Variants in ZNF385D observed in about 807,000 individuals in gnomAD.
The protein encoded by ZNF385D is zinc finger protein 659.
Under a neutral mutation model 35.8 loss-of-function variants are expected in ZNF385D, and 15 were observed. The ratio of observed to expected loss-of-function variants is 0.42; its 90% confidence interval spans 0.28 to 0.64. The LOEUF (loss-of-function observed/expected upper bound fraction) is 0.64, where lower values mean the gene tolerates loss of function less well. Among genes scored for constraint, ZNF385D ranks in the 30% least tolerant of loss-of-function variants. The pLI is 0.23. For missense variants in ZNF385D, 474 were observed against 494.6 expected (o/e 0.96, Z 0.39); for synonymous variants, 212 against 186.8 (o/e 1.13, Z -1.10).
chr3:21,854,524 TAAC>T (rs1290308946), intron 3 of ZNF385D, among the ~76,000 whole-genome samples: 2 of 151,968 alleles, frequency 1.3e-5, no homozygotes, highest in South Asian at 2.1e-4. Flanking sequence ...TTAAAATTCT[TAAC>T]AACTTTTCAA....
intron 2 of ZNF385D, among the ~76,000 whole-genome samples, chr3:21,619,937 G>A (rs2064955651): frequency 6.6e-6 from 1 of 152,114 alleles, no homozygotes; most frequent in Admixed American, 6.5e-5. Context: ...ATTACACCCT[G>A]AGTTCTTGCC....
chr3:21,915,914 G>C (rs1279940888), intron 3 of ZNF385D, among the ~76,000 whole-genome samples: 2 of 152,120 alleles, frequency 1.3e-5, no homozygotes, highest in East Asian at 3.9e-4. Flanking sequence ...AGACTACCAT[G>C]GCTATGGCTC....
intron 2 of ZNF385D, among the ~76,000 whole-genome samples, chr3:22,332,432 T>C (rs1340369668): frequency 6.6e-6 from 1 of 152,092 alleles, no homozygotes; most frequent in Non-Finnish European, 1.5e-5. Flanking sequence ...AAATAAAATA[T>C]TTTAAGGACT....
chr3:21,782,337 C>T (rs2071523132), intron 3 of ZNF385D, among the ~76,000 whole-genome samples: 1 of 152,066 alleles, frequency 6.6e-6, no homozygotes, highest in Non-Finnish European at 1.5e-5. Flanking sequence ...GGGAAATGAC[C>T]TGCTACCTGG....
intron 2 of ZNF385D, among the ~76,000 whole-genome samples, chr3:22,322,587 A>T (rs77700386): frequency 0.032 from 4,807 of 152,164 alleles, 229 homozygotes; most frequent in African/African-American, 0.11. Context: ...AATCAGTGAT[A>T]TTTTCAGTTA....
chr3:22,020,784 G>A (rs1280938264), intron 3 of ZNF385D, among the ~76,000 whole-genome samples: 1 of 151,792 alleles, frequency 6.6e-6, no homozygotes, highest in Non-Finnish European at 1.5e-5. Context: ...GGTATCTACT[G>A]AAAGGAAAAT....
rs1700516496 is a variant in ZNF385D at position 21,413,146 on chromosome 3, T to C, written c.*8068A>G. On this transcript the variant is annotated 3_prime_UTR_variant, in exon 8 of 8. Coordinates refer to ENST00000281523, the MANE Select transcript of ZNF385D (RefSeq NM_024697.3). ...TAGAATCATCATTCAACTATCATAA[T>C]ATAAAACACAATAAAATCCTATCTC... 6.6e-6 allele frequency: 1 copy of C among 152,044 alleles called. No individual in the cohort carries two copies. Among genetic ancestry groups the C allele is most frequent in the South Asian group, 2.1e-4 (1 of 4,828 alleles). 9.4% of individuals were successfully genotyped at this position (152,044 alleles called of 1,614,324 possible).
chr3:22,153,773 C>A (rs60280598), intron 3 of ZNF385D, among the ~76,000 whole-genome samples: 32,521 of 151,974 alleles, frequency 0.21, 3,674 homozygotes, highest in Middle Eastern at 0.27. Context: ...TAGCAACGGA[C>A]TCTGCATTTT....
At chr3:21,578,537 ATTC>A (rs1360388410) in intron 2 of ZNF385D, among the ~76,000 whole-genome samples, 2 of 152,148 alleles carry the variant, frequency 1.3e-5, no homozygotes, top group East Asian at 1.9e-4. Flanking sequence ...GTCTAGTTTT[ATTC>A]TTCTATATAT....
At chr3:21,516,432 C>A (rs999454236) in intron 3 of ZNF385D, among the ~76,000 whole-genome samples, 1 of 151,822 alleles carries the variant, frequency 6.6e-6, no homozygotes, top group Admixed American at 6.6e-5. Context: ...AGAAGTTACC[C>A]TTTTTTTTAA....
chr3:21,496,918 T>C (rs1705939849), intron 4 of ZNF385D, among the ~76,000 whole-genome samples: 1 of 152,092 alleles, frequency 6.6e-6, no homozygotes, highest in South Asian at 2.1e-4. Flanking sequence ...TTAAGAGCTG[T>C]GCATGACAAA....
At chr3:22,360,653 C>T (rs1696369153) in intron 2 of ZNF385D, among the ~76,000 whole-genome samples, 3 of 151,882 alleles carry the variant, frequency 2.0e-5, no homozygotes, top group African/African-American at 7.2e-5. Context: ...CAAGGTGGAA[C>T]GAATACCAAG....
At chr3:21,430,449 G>C (rs1391981511) in intron 5 of ZNF385D, among the ~76,000 whole-genome samples, 5 of 152,078 alleles carry the variant, frequency 3.3e-5, no homozygotes, top group Non-Finnish European at 1.5e-5. Flanking sequence ...TAGGAGACAA[G>C]CTGCACAATG....
chr3:21,846,985 A>G (rs1356100), intron 3 of ZNF385D, among the ~76,000 whole-genome samples: 66,237 of 151,810 alleles, frequency 0.44, 14,705 homozygotes, highest in Middle Eastern at 0.48. Flanking sequence ...GTCAGAGGTA[A>G]AGTAAAAGCA....
chr3:22,169,478 TA>T (rs1706544917), intron 2 of ZNF385D, among the ~76,000 whole-genome samples: 1 of 152,200 alleles, frequency 6.6e-6, no homozygotes, highest in Non-Finnish European at 1.5e-5. Flanking sequence ...TGAATTAGAT[TA>T]TTTTGTTTTA....
chr3:22,314,546 A>AT lies in ZNF385D; in HGVS notation c.106+57903dup, dbSNP rs553666386. 2.6e-3 allele frequency among the ~76,000 whole-genome samples: 392 copies of AT among 151,998 alleles called. 1 individual carries two copies. Among genetic ancestry groups the AT allele is most frequent in the African/African-American group, 7.3e-3 (301 of 41,446 alleles). On this transcript the variant is annotated intron_variant, in intron 2 of 5. Transcript: ENST00000494108. ...GACGGATGGGCATTTGGGTTAACACATTTTTTCCCTAATTTTCTTCTACCC... is the reference window on the plus strand; with the variant it reads ...GACGGATGGGCATTTGGGTTAACACATTTTTTTCCCTAATTTTCTTCTACCC...
intron 2 of ZNF385D, among the ~76,000 whole-genome samples, chr3:22,225,501 C>T (rs1361749976): frequency 6.6e-6 from 1 of 152,098 alleles, no homozygotes; most frequent in Non-Finnish European, 1.5e-5. Flanking sequence ...GTATAAATAT[C>T]CGTTAGTATG....
intron 3 of ZNF385D, among the ~76,000 whole-genome samples, chr3:21,874,088 G>T (rs1360096443): frequency 1.3e-5 from 2 of 151,734 alleles, no homozygotes; most frequent in Non-Finnish European, 2.9e-5. Flanking sequence ...GACAGAAGAT[G>T]CACCATTATA....
intron 3 of ZNF385D, among the ~76,000 whole-genome samples, chr3:21,981,700 T>C (rs1576075708): frequency 6.6e-6 from 1 of 152,150 alleles, no homozygotes; most frequent in African/African-American, 2.4e-5. Flanking sequence ...TTTTCGGTTT[T>C]ACATTTAAGT....
Sources: allele counts gnomAD v4.1 joint callset (sites outside exome capture counted in the v4.1 genomes callset), GRCh38; gene constraint gnomAD v4.1.1; transcripts MANE v1.5; gene names NCBI Gene and HGNC (gene_info 2026-07-23, HGNC 2026-07-21).